Variants in ERG observed in about 807,000 individuals in gnomAD.
ERG encodes the protein transcriptional regulator ERG.
A neutral mutation model predicts 55.3 loss-of-function variants in ERG; 9 were observed. The ratio of observed to expected loss-of-function variants is 0.16; its 90% CI spans 0.10 to 0.28. The LOEUF is 0.28. Ranked by LOEUF, ERG falls within the 10% of genes least tolerant of loss-of-function variation. ERG has a pLI of 1.00. For missense variants in ERG, 434 were observed against 631.6 expected (o/e 0.69, Z 3.35); for synonymous variants, 223 against 237.3 (o/e 0.94, Z 0.55).
chr21:38,574,124 T>G (rs1203580223), intron 2 of ERG, among the ~76,000 whole-genome samples: 1 of 152,184 alleles, frequency 6.6e-6, no homozygotes, highest in Non-Finnish European at 1.5e-5. Flanking sequence ...TCCCTCACAA[T>G]CTGAACTATA....
At chr21:38,387,540 G>T (rs1414646626) in intron 9 of ERG, among the ~76,000 whole-genome samples, 1 of 152,216 alleles carries the variant, frequency 6.6e-6, no homozygotes, top group Admixed American at 6.5e-5. Context: ...CATCTGTAAA[G>T]TGGGGGTGAT....
chr21:38,596,961 A>C (rs768746137), intron 1 of ERG, among the ~76,000 whole-genome samples: 1 of 152,208 alleles, frequency 6.6e-6, no homozygotes, highest in Non-Finnish European at 1.5e-5. Flanking sequence ...CTCCCCAAAA[A>C]GCACTGAGAC....
chr21:38,421,261 G>T (rs59053818), intron 3 of ERG, among the ~76,000 whole-genome samples: 7,898 of 152,168 alleles, frequency 0.052, 658 homozygotes, highest in African/African-American at 0.18. Flanking sequence ...AAATACTAAG[G>T]ACGGTTTTCT....
chr21:38,536,032 C>CA (rs1269848745), intron 2 of ERG, among the ~76,000 whole-genome samples: 3 of 152,120 alleles, frequency 2.0e-5, no homozygotes, highest in Admixed American at 2.0e-4. Flanking sequence ...TGGGTTATTA[C>CA]ATCTGACGGC....
chr21:38,626,420 T>C lies in ERG; in HGVS notation c.-150+35238A>G, dbSNP rs189554006. On this transcript the variant is annotated intron_variant, in intron 1 of 10. Transcript: ENST00000398910. ...AGGGCTTGTAAAATTTTAGAGCAAG[T>C]TGACATCACTGTGACATCAGTATGA... Among the ~76,000 whole-genome samples, 212 of 152,296 alleles carry C rather than the reference T, an allele frequency of 1.4e-3. 1 individual carries two copies. The highest frequency in any genetic ancestry group is 4.5e-3 in the African/African-American group (189 of 41,558).
intron 2 of ERG, among the ~76,000 whole-genome samples, chr21:38,548,511 G>C (rs1012646531): frequency 6.7e-6 from 1 of 148,914 alleles, no homozygotes; most frequent in Admixed American, 6.7e-5. Flanking sequence ...GCAGTGGTGC[G>C]ATCTCTGCTC....
At chr21:38,653,958 T>C (rs1170608615) in intron 1 of ERG, among the ~76,000 whole-genome samples, 1 of 152,268 alleles carries the variant, frequency 6.6e-6, no homozygotes, top group Non-Finnish European at 1.5e-5. Context: ...GTGCTCGTAA[T>C]GTACAAACAA....
intron 1 of ERG, among the ~76,000 whole-genome samples, chr21:38,481,261 A>G (rs1026630091): frequency 2.0e-5 from 3 of 152,240 alleles, no homozygotes; most frequent in African/African-American, 7.2e-5. Context: ...TGCCAAATGC[A>G]TGCTTTACTC....
chr21:38,588,206 G>A (rs1007729031), upstream of ERG, among the ~76,000 whole-genome samples: 11 of 152,170 alleles, frequency 7.2e-5, no homozygotes, highest in African/African-American at 9.7e-5. Context: ...AAATACAGTC[G>A]TTTGAGAACA....
At chr21:38,561,291 T>C (rs2059891260) in intron 2 of ERG, among the ~76,000 whole-genome samples, 1 of 152,202 alleles carries the variant, frequency 6.6e-6, no homozygotes, top group South Asian at 2.1e-4. Flanking sequence ...CTGATGTCTT[T>C]GCTCATTGCC....
intron 1 of ERG, among the ~76,000 whole-genome samples, chr21:38,608,866 C>T (rs1251452539): frequency 1.3e-5 from 2 of 152,100 alleles, no homozygotes; most frequent in Non-Finnish European, 2.9e-5. Context: ...GGTAGAATCA[C>T]GTAAGATCTT....
chr21:38,548,842 G>A (rs112447922), intron 2 of ERG, among the ~76,000 whole-genome samples: 2,504 of 149,440 alleles, frequency 0.017, 67 homozygotes, highest in African/African-American at 0.057. Context: ...CGGGCACAGT[G>A]GCTCACGCCT....
chr21:38,392,407 G>C lies in ERG; in HGVS notation c.783C>G (p.Thr261=), dbSNP rs189755239. The change falls in exon 7 of 10, where the codon ACC becomes ACG. Residue 261 remains threonine, a synonymous_variant. Transcript: ENST00000288319. ...PYEPPRRSAW[T]GHGHPTPQSK... The stretch of plus-strand genomic sequence containing the variant: ...ACTGGGGCGTGGGGTGGCCGTGACC[G>C]GTCCAGGCTGATCTCCTGGGGGGCT... The C allele has an allele frequency of 3.2e-6, 5 of 1,565,532 alleles. No individual in the cohort carries two copies. The highest frequency in any genetic ancestry group is 1.7e-4 in the Middle Eastern group (1 of 6,032).
intron 1 of ERG, among the ~76,000 whole-genome samples, chr21:38,604,504 C>G (rs2060185299): frequency 6.6e-6 from 1 of 151,972 alleles, no homozygotes; most frequent in Admixed American, 6.5e-5. Flanking sequence ...GTTTAATGTC[C>G]TTAAAGCATT....
At chr21:38,483,576 T>C (rs914437868) in intron 1 of ERG, among the ~76,000 whole-genome samples, 1 of 152,150 alleles carries the variant, frequency 6.6e-6, no homozygotes, top group Non-Finnish European at 1.5e-5. Flanking sequence ...CGGCCAGGCA[T>C]GGTGGCTCAC....
At chr21:38,376,448 A>G (rs893376719), downstream of ERG, among the ~76,000 whole-genome samples, 5 of 152,188 alleles carry the variant, frequency 3.3e-5, no homozygotes, top group South Asian at 6.2e-4. Context: ...TCTCTGTCCA[A>G]TGGGAGTCGC....
chr21:38,390,953 A>G, intron 9 of ERG, 42 bp downstream of exon 9: 1 of 1,567,244 alleles, frequency 6.4e-7, no homozygotes, highest in Non-Finnish European at 8.8e-7. Context: ...ACCACTGCCA[A>G]AAAGTAATTT....
upstream of ERG, among the ~76,000 whole-genome samples, chr21:38,586,689 C>T (rs2060067466): frequency 6.6e-6 from 1 of 152,100 alleles, no homozygotes; most frequent in African/African-American, 2.4e-5. Flanking sequence ...AATTACAAAA[C>T]AAAATACTAT....
upstream of ERG, among the ~76,000 whole-genome samples, chr21:38,498,849 C>A (rs888634038): frequency 6.6e-5 from 10 of 152,150 alleles, no homozygotes; most frequent in African/African-American, 2.4e-4. The surrounding 1 kb of genome is among the most constrained non-coding windows in gnomAD (Gnocchi z 4.6). Flanking sequence ...CCCTTCGCAG[C>A]CCAATTCTTC....
Sources: allele counts gnomAD v4.1 joint callset (sites outside exome capture counted in the v4.1 genomes callset), GRCh38; gene constraint gnomAD v4.1.1; non-coding constraint Gnocchi (gnomAD v3.1); transcripts MANE v1.5; gene names NCBI Gene and HGNC (gene_info 2026-07-23, HGNC 2026-07-21).